CTNNA3: variants seen among roughly 807,000 people sequenced by gnomAD.
CTNNA3 encodes the protein catenin alpha 3.
Under a neutral mutation model 95.7 loss-of-function variants are expected in CTNNA3, and 76 were observed. The ratio of observed to expected loss-of-function variants is 0.79; its 90% CI spans 0.66 to 0.96. The LOEUF (loss-of-function observed/expected upper bound fraction) is 0.96. Ranked by LOEUF, CTNNA3 falls within the 40% of genes least tolerant of loss-of-function variation. The pLI is 0.00. For synonymous variants in CTNNA3, 431 were observed against 374.4 expected, an observed-to-expected ratio of 1.15 and a Z score of -1.74; for missense variants, 1,191 against 1,089.8, an observed-to-expected ratio of 1.09 and a Z score of -1.31.
chr10:67,026,582 T>A (rs981143125), intron 7 of CTNNA3, among the ~76,000 whole-genome samples: 4 of 152,122 alleles, frequency 2.6e-5, no homozygotes, highest in Non-Finnish European at 5.9e-5. Context: ...TATATATTAG[T>A]CAAAATTATC....
chr10:66,380,967 C>A (rs1041310316), intron 11 of CTNNA3, among the ~76,000 whole-genome samples: 1 of 151,750 alleles, frequency 6.6e-6, no homozygotes, highest in Non-Finnish European at 1.5e-5. Context: ...GACTTTAACA[C>A]CCCACTGTCA....
At chr10:66,695,919 G>GGGA (rs1554837128) in intron 9 of CTNNA3, among the ~76,000 whole-genome samples, 1 of 142,090 alleles carries the variant, frequency 7.0e-6, no homozygotes, top group African/African-American at 2.6e-5. Context: ...AGACGTAAGG[G>GGGA]GGGGGGGCAA....
chr10:66,661,349 T>A (rs910924778), intron 9 of CTNNA3, among the ~76,000 whole-genome samples: 1 of 151,910 alleles, frequency 6.6e-6, no homozygotes, highest in African/African-American at 2.4e-5. Flanking sequence ...GATAAACCCA[T>A]CGGTTCTTGT....
intron 11 of CTNNA3, among the ~76,000 whole-genome samples, chr10:66,450,190 A>T (rs2093453780): frequency 6.6e-6 from 1 of 152,112 alleles, no homozygotes; most frequent in Non-Finnish European, 1.5e-5. Flanking sequence ...AGGACAAGCC[A>T]TTTTTAGAAA....
intron 9 of CTNNA3, among the ~76,000 whole-genome samples, chr10:66,725,815 T>C (rs10997369): frequency 0.39 from 58,960 of 151,900 alleles, 11,883 homozygotes; most frequent in Non-Finnish European, 0.43. Flanking sequence ...GCATATTTGT[T>C]TCAGATATTG....
intron 5 of CTNNA3, among the ~76,000 whole-genome samples, chr10:67,424,882 G>A (rs1392355709): frequency 6.6e-6 from 1 of 152,002 alleles, no homozygotes; most frequent in Non-Finnish European, 1.5e-5. Context: ...GAATACATAG[G>A]TCTGCTAACT....
intron 9 of CTNNA3, among the ~76,000 whole-genome samples, chr10:66,626,112 T>C (rs1221822690): frequency 6.6e-6 from 1 of 152,184 alleles, no homozygotes. Context: ...ATGGTATGTT[T>C]TAACGTTCTA....
chr10:66,965,242 T>C (rs1402489970), intron 7 of CTNNA3, among the ~76,000 whole-genome samples: 1 of 151,966 alleles, frequency 6.6e-6, no homozygotes, highest in Non-Finnish European at 1.5e-5. Context: ...GTTTTTTTGT[T>C]TGTTTGTTTT....
intron 3 of CTNNA3, among the ~76,000 whole-genome samples, chr10:67,561,963 C>T (rs921745622): frequency 6.6e-6 from 1 of 152,128 alleles, no homozygotes; most frequent in African/African-American, 2.4e-5. Context: ...TCTGAATAGA[C>T]CAACAACAGG....
chr10:66,970,327 A>G (rs1242707703), intron 7 of CTNNA3, among the ~76,000 whole-genome samples: 1 of 152,108 alleles, frequency 6.6e-6, no homozygotes, highest in African/African-American at 2.4e-5. Flanking sequence ...TTACAGCACT[A>G]TCTCTTAGGA....
At chr10:66,440,110 C>A (rs1027862406) in intron 11 of CTNNA3, among the ~76,000 whole-genome samples, 31 of 152,076 alleles carry the variant, frequency 2.0e-4, no homozygotes, top group Non-Finnish European at 4.1e-4. Flanking sequence ...AAACAGTATT[C>A]CAATAAATAT....
intron 7 of CTNNA3, among the ~76,000 whole-genome samples, chr10:66,873,378 G>T (rs150181323): frequency 2.7e-5 from 4 of 149,192 alleles, no homozygotes; most frequent in Admixed American, 6.7e-5. Flanking sequence ...TTTGTTTTTT[G>T]TTTTTTTTTT....
chr10:66,404,112 C>T (rs1169808631), intron 11 of CTNNA3, among the ~76,000 whole-genome samples: 1 of 152,042 alleles, frequency 6.6e-6, no homozygotes, highest in Non-Finnish European at 1.5e-5. Flanking sequence ...AGACTAACCC[C>T]AACTGGACTC....
rs139055626 is a variant in CTNNA3, at chr10:66,579,555, T to C, written c.1374+42137A>G. ...GTATTGTTTTTATCACTTGGTTTTG[T>C]TTTTATCCATAGCAAAGCCTTCAAT... On this transcript the variant is annotated intron_variant, in intron 10 of 17. Transcript: ENST00000433211. Among the ~76,000 whole-genome samples the C allele has an allele frequency of 8.8e-3, 1,333 of 151,964 alleles. 24 individuals carry two copies. The highest frequency in any genetic ancestry group is 0.03 in the African/African-American group (1,245 of 41,530).
At chr10:66,333,831 T>G (rs2092361990) in intron 12 of CTNNA3, among the ~76,000 whole-genome samples, 1 of 151,708 alleles carries the variant, frequency 6.6e-6, no homozygotes, top group African/African-American at 2.4e-5. Context: ...CAGTGGGGTG[T>G]TAAAGTCTCC....
At chr10:66,695,451 G>A (rs9663683) in intron 9 of CTNNA3, among the ~76,000 whole-genome samples, 37,034 of 152,114 alleles carry the variant, frequency 0.24, 5,692 homozygotes, top group East Asian at 0.56. Flanking sequence ...CAGGGAAAAT[G>A]AGAGGTTTAA....
chr10:67,231,288 G>A (rs1865196962), intron 5 of CTNNA3, among the ~76,000 whole-genome samples: 2 of 152,370 alleles, frequency 1.3e-5, no homozygotes, highest in South Asian at 4.1e-4. Flanking sequence ...TGACAGCTTT[G>A]AAGAGAGCAG....
intron 1 of CTNNA3, among the ~76,000 whole-genome samples, chr10:67,711,495 C>T (rs1234025615): frequency 1.3e-5 from 2 of 152,132 alleles, no homozygotes; most frequent in Non-Finnish European, 2.9e-5. Context: ...AAACTGGAGG[C>T]ATTTTGCCCC....
At chr10:66,728,113 T>TA (rs1207515640) in intron 9 of CTNNA3, among the ~76,000 whole-genome samples, 1 of 152,190 alleles carries the variant, frequency 6.6e-6, no homozygotes, top group Non-Finnish European at 1.5e-5. Flanking sequence ...TAGCTATCCA[T>TA]AAAATCTAGT....
Sources: gnomAD v4.1 joint callset for allele counts (sites outside exome capture counted in the v4.1 genomes callset) on GRCh38, gnomAD v4.1.1 for gene constraint, MANE v1.5 for transcripts, NCBI Gene and HGNC (gene_info 2026-07-23, HGNC 2026-07-21) for gene names.